Variants in CADPS2 observed in about 807,000 individuals in gnomAD.
CADPS2 encodes the protein calcium-dependent secretion activator 2.
A neutral mutation model predicts 172.5 loss-of-function variants in CADPS2; 93 were observed. The ratio of observed to expected loss-of-function variants is 0.54; its 90% CI spans 0.46 to 0.64. The LOEUF (loss-of-function observed/expected upper bound fraction) is 0.64, where lower values mean the gene tolerates loss of function less well. Among genes scored for constraint, CADPS2 ranks in the 30% least tolerant of loss-of-function variants. The probability of loss-of-function intolerance (pLI) is 0.00; values close to 1 mark genes in which losing one functional copy is unlikely to be tolerated. For missense variants in CADPS2, 1,420 were observed against 1,565.9 expected, an observed-to-expected ratio of 0.91 and a Z score of 1.57; for synonymous variants, 546 against 555.2, an observed-to-expected ratio of 0.98 and a Z score of 0.23.
chr7:122,576,475 T>C (rs1475221833), intron 7 of CADPS2, among the ~76,000 whole-genome samples: 2 of 152,196 alleles, frequency 1.3e-5, no homozygotes, highest in East Asian at 3.8e-4. Context: ...GTTGGCACCC[T>C]TTTGATGCTG....
chr7:122,578,810 T>C (rs565895491), intron 7 of CADPS2, among the ~76,000 whole-genome samples: 2 of 152,244 alleles, frequency 1.3e-5, no homozygotes, highest in African/African-American at 2.4e-5. Context: ...ACAGACTCTT[T>C]ATGTGAAATG....
At chr7:122,822,471 C>T (rs2140397234) in intron 1 of CADPS2, among the ~76,000 whole-genome samples, 1 of 151,860 alleles carries the variant, frequency 6.6e-6, no homozygotes, top group East Asian at 1.9e-4. Flanking sequence ...CTCTCCATAC[C>T]ACCCCCCAAA....
Position 122,476,996 on chromosome 7 carries a change from GGGAGAGGAGA to G in CADPS2, c.1862-2489_1862-2480del, listed in dbSNP as rs1208335745. 3.7e-3 allele frequency among the ~76,000 whole-genome samples: 179 copies of G among 48,008 alleles called. 1 individual carries two copies. Among genetic ancestry groups the G allele is most frequent in the South Asian group, 4.9e-3 (4 of 822 alleles). The allele number at this position is 48,008 out of a possible 152,430, so 31.5% of individuals were successfully genotyped here. A position where few individuals can be genotyped will look rare whatever the true frequency, so the allele number is the denominator to read the frequency against. On this transcript the variant is annotated intron_variant, in intron 12 of 29. Coordinates refer to ENST00000449022, the MANE Select transcript of CADPS2 (RefSeq NM_017954.11). ...GGCGGGAAGGGGGGCGGGAGGGGAG[GGGAGAGGAGA>G]GGAGAGGAGAGGAGAGGAGAGGAGA...
intron 1 of CADPS2, among the ~76,000 whole-genome samples, chr7:122,822,582 G>A (rs937691769): frequency 6.9e-6 from 1 of 145,764 alleles, no homozygotes; most frequent in Non-Finnish European, 1.5e-5. Flanking sequence ...CCAAGCCATC[G>A]CATCCCCTGT....
intron 1 of CADPS2, among the ~76,000 whole-genome samples, chr7:122,841,412 C>G (rs1323113150): frequency 6.6e-6 from 1 of 152,080 alleles, no homozygotes. Context: ...TTAGATATCA[C>G]CAAGCCAAAA....
chr7:122,559,770 CAAA>C (rs71161306), intron 7 of CADPS2, among the ~76,000 whole-genome samples: 4 of 85,148 alleles, frequency 4.7e-5, no homozygotes, highest in African/African-American at 1.4e-4. Flanking sequence ...GACTCCACCT[CAAA>C]AAAAAAAAAA....
At chr7:122,884,437 A>ATG (rs747254489) in intron 1 of CADPS2, among the ~76,000 whole-genome samples, 6 of 152,280 alleles carry the variant, frequency 3.9e-5, no homozygotes, top group Non-Finnish European at 8.8e-5. Context: ...TACCTGAGTA[A>ATG]TGGTGGTTTT....
chr7:122,732,729 CATT>C (rs1156893605), intron 2 of CADPS2, among the ~76,000 whole-genome samples: 1 of 143,362 alleles, frequency 7.0e-6, no homozygotes, highest in Non-Finnish European at 1.5e-5. Context: ...TATTACATAT[CATT>C]ATATATTATA....
chr7:122,537,603 T>C (rs1165042565), intron 8 of CADPS2, among the ~76,000 whole-genome samples: 1 of 151,728 alleles, frequency 6.6e-6, no homozygotes, highest in Non-Finnish European at 1.5e-5. Flanking sequence ...TCAAGGCTAT[T>C]GGGATATAAG....
intron 9 of CADPS2, among the ~76,000 whole-genome samples, chr7:122,508,521 G>A (rs2059795178): frequency 7.9e-6 from 1 of 126,254 alleles, no homozygotes; most frequent in Non-Finnish European, 1.6e-5. Context: ...CTAGAGTGCA[G>A]TGGTGCAATC....
In CADPS2 at chr7:122,590,178, CA is replaced by C. The variant is rs374592911; in HGVS notation, c.1224-8889del. On this transcript the variant is annotated intron_variant, in intron 6 of 29. Transcript: ENST00000449022. ...TCTTAAAGAAAAACAAACAAACAAA[CA>C]AAAAAACAAAGTGGAATGCATCACA... Among the ~76,000 whole-genome samples, 3 of 151,468 alleles carry C rather than the reference CA, an allele frequency of 2.0e-5. No individual in the cohort carries two copies. The East Asian group carries it at 5.8e-4, about 29-fold the overall frequency.
At chr7:122,423,101 A>G (rs986489610) in intron 17 of CADPS2, among the ~76,000 whole-genome samples, 1 of 152,152 alleles carries the variant, frequency 6.6e-6, no homozygotes, top group Admixed American at 6.5e-5. Context: ...CCCTCTTTGC[A>G]TAGTACAGAC....
chr7:122,874,956 C>T (rs1030085931), intron 1 of CADPS2, among the ~76,000 whole-genome samples: 10 of 152,090 alleles, frequency 6.6e-5, no homozygotes, highest in Non-Finnish European at 1.5e-4. Flanking sequence ...CAACAAACTT[C>T]TTTAAAAAAG....
Position 122,550,169 on chromosome 7 carries a change from G to A in CADPS2, c.1475+4381C>T, listed in dbSNP as rs577622798. Among the ~76,000 whole-genome samples the A allele has an allele frequency of 2.2e-3, 335 of 152,272 alleles. 1 individual carries two copies. The South Asian group carries it at 0.024, about 11-fold the overall frequency. ...AAGCAGCCGGTGTGGGGCTTGTCTC[G>A]TTTTTCTGCTGGAAGTTTAACTATT... On this transcript the variant is annotated intron_variant, in intron 8 of 29. Coordinates refer to ENST00000449022, the MANE Select transcript of CADPS2 (RefSeq NM_017954.11).
chr7:122,486,027 A>G (rs535611982), intron 11 of CADPS2, among the ~76,000 whole-genome samples: 1 of 152,128 alleles, frequency 6.6e-6, no homozygotes, highest in Non-Finnish European at 1.5e-5. Flanking sequence ...ATGCTAGAAC[A>G]AAAGAATCTG....
At chr7:122,853,517 A>G (rs887036338) in intron 1 of CADPS2, among the ~76,000 whole-genome samples, 6 of 152,192 alleles carry the variant, frequency 3.9e-5, no homozygotes, top group Admixed American at 2.6e-4. Context: ...TCTGGAATAT[A>G]TAACAGATCC....
intron 17 of CADPS2, among the ~76,000 whole-genome samples, chr7:122,435,286 G>A (rs906099298): frequency 2.1e-4 from 32 of 152,082 alleles, no homozygotes; most frequent in Non-Finnish European, 3.8e-4. Flanking sequence ...AACTATTTAA[G>A]TAACTCCTAT....
intron 16 of CADPS2, chr7:122,440,265 T>G (rs1325056017): frequency 6.6e-6 from 1 of 152,058 alleles, no homozygotes; most frequent in African/African-American, 2.4e-5. Flanking sequence ...TCTTCCCTAC[T>G]GGGGGGCAGA....
rs71531909 is a variant in CADPS2, at chr7:122,649,898, A to ATTTTTTTTTTTTTTTTTTTTTTTTTT, written c.786+13313_786+13338dup. 3.1e-4 allele frequency among the ~76,000 whole-genome samples: 16 copies of ATTTTTTTTTTTTTTTTTTTTTTTTTT among 51,974 alleles called. 6 individuals carry two copies. The highest frequency in any genetic ancestry group is 4.8e-4 in the African/African-American group (6 of 12,514). The allele number at this position is 51,974 out of a possible 152,430, so 34.1% of individuals were successfully genotyped here. On this transcript the variant is annotated intron_variant, in intron 3 of 29. Coordinates refer to ENST00000449022, the MANE Select transcript of CADPS2 (RefSeq NM_017954.11). Reference sequence around the variant, plus strand: ...TGACATTTTTCTTAAGTATTCAATGATTTTTTTTTTTTTTTTTTTTTTTTT... The same window carrying ATTTTTTTTTTTTTTTTTTTTTTTTTT: ...TGACATTTTTCTTAAGTATTCAATGATTTTTTTTTTTTTTTTTTTTTTTTTTTTTTTTTTTTTTTTTTTTTTTTTTT...
Sources: allele counts gnomAD v4.1 joint callset (sites outside exome capture counted in the v4.1 genomes callset), GRCh38; gene constraint gnomAD v4.1.1; transcripts MANE v1.5; gene names NCBI Gene and HGNC (gene_info 2026-07-23, HGNC 2026-07-21).